GNG4: variants seen among roughly 807,000 people sequenced by gnomAD.
GNG4 encodes guanine nucleotide-binding protein G(I)/G(S)/G(O) subunit gamma-4.
GNG4 carries 4 observed loss-of-function variants against 5.8 expected under a neutral mutation model. That is an observed-to-expected ratio of 0.69 (90% CI 0.34 to 1.57). The LOEUF (loss-of-function observed/expected upper bound fraction) is 1.57, where lower values mean the gene tolerates loss of function less well. Ranked by LOEUF, GNG4 falls within the 40% of genes most tolerant of loss-of-function variation. The pLI is 0.06. For missense variants in GNG4, 96 were observed against 95.1 expected (o/e 1.01, Z -0.04); for synonymous variants, 29 against 32.9 (o/e 0.88, Z 0.41).
intron 1 of GNG4, among the ~76,000 whole-genome samples, chr1:235,638,452 C>T (rs1380853104): frequency 6.7e-6 from 1 of 148,848 alleles, no homozygotes; most frequent in Non-Finnish European, 1.5e-5. Flanking sequence ...CTACAGCCAT[C>T]TGCAATCCTG....
At chr1:235,646,658 T>C (rs1004856882) in intron 1 of GNG4, among the ~76,000 whole-genome samples, 1 of 152,180 alleles carries the variant, frequency 6.6e-6, no homozygotes, top group East Asian at 1.9e-4. Context: ...CCAGGGCTCC[T>C]TCCCCAGTGA....
chr1:235,573,220 C>T (rs369023768), intron 3 of GNG4, among the ~76,000 whole-genome samples: 163 of 151,264 alleles, frequency 1.1e-3, no homozygotes, highest in African/African-American at 3.2e-3. Context: ...AGCAAACTAT[C>T]GCAAGGACAG....
intron 3 of GNG4, among the ~76,000 whole-genome samples, chr1:235,575,405 T>C (rs1687453898): frequency 6.6e-6 from 1 of 152,218 alleles, no homozygotes; most frequent in Admixed American, 6.5e-5. Flanking sequence ...CTCCTGCGTT[T>C]CTTGGGCTTC....
chr1:235,601,195 TAGGCTGGTGGGCTG>T (rs1688250512), intron 1 of GNG4, among the ~76,000 whole-genome samples: 2 of 152,206 alleles, frequency 1.3e-5, no homozygotes, highest in African/African-American at 4.8e-5. Context: ...GGGTATGGGA[TAGGCTGGTGGGCTG>T]ACATCTGAAA....
intron 1 of GNG4, among the ~76,000 whole-genome samples, chr1:235,640,320 G>A (rs1313338595): frequency 6.6e-6 from 1 of 152,176 alleles, no homozygotes; most frequent in Non-Finnish European, 1.5e-5. Flanking sequence ...TTGGTTCAAT[G>A]CATCTCAAAT....
intron 2 of GNG4, among the ~76,000 whole-genome samples, chr1:235,592,484 G>A (rs895163325): frequency 2.6e-5 from 4 of 152,106 alleles, no homozygotes; most frequent in Non-Finnish European, 5.9e-5. Flanking sequence ...ACTCCAGCCT[G>A]GGTGACAGAA....
chr1:235,582,528 T>C (rs80142356), intron 3 of GNG4, among the ~76,000 whole-genome samples: 284 of 152,324 alleles, frequency 1.9e-3, no homozygotes, highest in African/African-American at 6.3e-3. Flanking sequence ...CAGCAATGCC[T>C]TTCACTGCAG....
At chr1:235,589,916 T>A (rs1222736403) in intron 2 of GNG4, among the ~76,000 whole-genome samples, 1 of 152,090 alleles carries the variant, frequency 6.6e-6, no homozygotes, top group African/African-American at 2.4e-5. Flanking sequence ...ATTTGTTGGG[T>A]CATCTGTCAC....
At position 235,642,743 on chromosome 1, in the gene GNG4, G is replaced by A. The variant is rs901618768; in HGVS notation, c.-123+6919C>T. 5.9e-5 allele frequency among the ~76,000 whole-genome samples: 9 copies of A among 152,096 alleles called. No individual in the cohort carries two copies. Among genetic ancestry groups the A allele is most frequent in the Admixed American group, 2.0e-4 (3 of 15,272 alleles). On this transcript the variant is annotated intron_variant, in intron 1 of 3. Coordinates refer to ENST00000391854, the MANE Select transcript of GNG4 (RefSeq NM_001098722.2). The surrounding 1 kb of genome is among the most constrained non-coding windows in gnomAD (Gnocchi z 4.3). ...AAACTTGCCGTGTGTTCTTGGAGGC[G>A]CGGGCCTCCCTGCTGTCATCACACC...
intron 1 of GNG4, among the ~76,000 whole-genome samples, chr1:235,619,202 CAT>C (rs1234405236): frequency 2.5e-4 from 34 of 136,356 alleles, no homozygotes; most frequent in South Asian, 9.4e-4. Flanking sequence ...TACACACACA[CAT>C]ATATATATAT....
In GNG4 at chr1:235,552,370, A is replaced by G. The variant is rs1324915626; in HGVS notation, c.100-133T>C. ...TGTGTGCACGGCCTACAACATGGTC[A>G]TGCCCAGGCTGGAGGGAGGGTTTGT... On this transcript the variant is annotated intron_variant, in intron 3 of 3. Transcript: ENST00000391854. 3 of 755,376 alleles carry G rather than the reference A, an allele frequency of 4.0e-6. No individual in the cohort carries two copies. In the East Asian group the frequency reaches 7.9e-5, roughly 20 times the overall value. The allele number at this position is 755,376 out of a possible 1,614,324, so 46.8% of individuals were successfully genotyped here.
chr1:235,634,556 C>T (rs188975013), intron 1 of GNG4, among the ~76,000 whole-genome samples: 37 of 152,332 alleles, frequency 2.4e-4, no homozygotes, highest in Admixed American at 5.9e-4. Context: ...TGAAGAAACG[C>T]AGATTTATAG....
At chr1:235,612,997 T>C (rs1200873890) in intron 1 of GNG4, among the ~76,000 whole-genome samples, 2 of 152,018 alleles carry the variant, frequency 1.3e-5, no homozygotes, top group African/African-American at 2.4e-5. Flanking sequence ...TCAGGCTTCT[T>C]TTATAAGGGC....
chr1:235,579,852 C>CA (rs71576480), intron 3 of GNG4, among the ~76,000 whole-genome samples: 24 of 31,680 alleles, frequency 7.6e-4, no homozygotes, highest in Admixed American at 1.2e-3. Context: ...CTCCATCTCT[C>CA]AAAAAAAAAA....
At chr1:235,612,165 C>T (rs766912821) in intron 1 of GNG4, among the ~76,000 whole-genome samples, 3 of 151,350 alleles carry the variant, frequency 2.0e-5, no homozygotes, top group Non-Finnish European at 2.9e-5. Context: ...AGATGGAAGA[C>T]AGCCCCTCTT....
intron 1 of GNG4, chr1:235,616,385 A>G: frequency 3.0e-6 from 1 of 330,034 alleles, no homozygotes; most frequent in Non-Finnish European, 5.9e-6. Context: ...TTCAGGACAG[A>G]TCCAGATTGG....
intron 3 of GNG4, among the ~76,000 whole-genome samples, chr1:235,572,050 G>T (rs1293774632): frequency 6.6e-6 from 1 of 152,124 alleles, no homozygotes; most frequent in South Asian, 2.1e-4. Flanking sequence ...TGCCCAGCCT[G>T]GTTTCAAACT....
intron 1 of GNG4, among the ~76,000 whole-genome samples, chr1:235,605,299 T>C (rs1450237752): frequency 1.3e-5 from 2 of 151,848 alleles, no homozygotes; most frequent in African/African-American, 4.8e-5. Context: ...CAAGCGATTC[T>C]CTTGCCTTAG....
At chr1:235,606,204 A>AC (rs1360386432) in intron 1 of GNG4, among the ~76,000 whole-genome samples, 2 of 151,970 alleles carry the variant, frequency 1.3e-5, no homozygotes, top group Non-Finnish European at 2.9e-5. Flanking sequence ...ACATAGTGAA[A>AC]CCCCATCTCT....
Sources: gnomAD v4.1 joint callset for allele counts (sites outside exome capture counted in the v4.1 genomes callset) on GRCh38, gnomAD v4.1.1 for gene constraint, Gnocchi (gnomAD v3.1) non-coding constraint, MANE v1.5 for transcripts, NCBI Gene and HGNC (gene_info 2026-07-23, HGNC 2026-07-21) for gene names.